Variants in MILR1 observed in about 807,000 individuals in gnomAD.
MILR1 encodes the protein allergin-1.
A neutral mutation model predicts 18.5 loss-of-function variants in MILR1; 31 were observed. That is an observed-to-expected ratio of 1.68 (90% confidence interval 1.26 to 2.26). MILR1 has a LOEUF of 2.26. Ranked by LOEUF, MILR1 falls within the 30% of genes most tolerant of loss-of-function variation. MILR1 has a pLI of 0.00. For missense variants in MILR1, 257 were observed against 157.4 expected (o/e 1.63, Z -3.38); for synonymous variants, 85 against 56.2 (o/e 1.51, Z -2.30).
the MILR1 span, chr17:64,485,056 T>G: frequency 6.6e-6 from 1 of 152,260 alleles, no homozygotes; most frequent in Non-Finnish European, 1.5e-5. Flanking sequence ...CCCAGTAGCC[T>G]TTTTATATCT....
chr17:64,453,860 T>G (rs969057796), intron 3 of MILR1, among the ~76,000 whole-genome samples: 93 of 152,176 alleles, frequency 6.1e-4, no homozygotes, highest in Non-Finnish European at 9.7e-4. Flanking sequence ...AACTCTTGAG[T>G]GGTCCTCTAT....
At chr17:64,481,318 C>T in the MILR1 span, 2 of 985,242 alleles carry the variant, frequency 2.0e-6, no homozygotes, top group Non-Finnish European at 2.4e-6. Flanking sequence ...TCTTCCCAGA[C>T]CTCTCCACAA....
intron 3 of MILR1, among the ~76,000 whole-genome samples, chr17:64,456,803 GAATA>G (rs1277573574): frequency 6.6e-6 from 1 of 151,928 alleles, no homozygotes; most frequent in African/African-American, 2.4e-5. Context: ...CCCTGTCTCT[GAATA>G]AATAAATACA....
rs1189825401 is a variant in MILR1, at chr17:64,452,095, T to G, written c.98-502T>G. ...GGTCCCAGCTATGTTTTTTTTTTTT[T>G]TTGTTCTGTTTTGTTTTTTAAAAAT... On this transcript the variant is annotated intron_variant, in intron 2 of 9. Transcript: ENST00000619286. Among the ~76,000 whole-genome samples the G allele has an allele frequency of 1.4e-3, 215 of 149,172 alleles. 1 individual carries two copies. Among genetic ancestry groups the G allele is most frequent in the Middle Eastern group, 0.01 (3 of 294 alleles).
At chr17:64,491,800 C>G in the MILR1 span, 1 of 532,002 alleles carries the variant, frequency 1.9e-6, no homozygotes, top group South Asian at 1.7e-5. Context: ...AGAAGACATG[C>G]TCTGCACTCC....
chr17:64,474,188 C>T, the MILR1 span, among the ~76,000 whole-genome samples: 1 of 152,154 alleles, frequency 6.6e-6, no homozygotes, highest in Non-Finnish European at 1.5e-5. Flanking sequence ...AATTCTCCTG[C>T]TTCAAACTCC....
chr17:64,459,366 G>A (rs1026760130), intron 4 of MILR1, among the ~76,000 whole-genome samples: 5 of 152,100 alleles, frequency 3.3e-5, no homozygotes, highest in African/African-American at 1.2e-4. Flanking sequence ...CTGAGAGGTC[G>A]AGGCTGCAGT....
chr17:64,485,834 A>G, the MILR1 span: 2 of 1,613,998 alleles, frequency 1.2e-6, no homozygotes, highest in South Asian at 2.2e-5. Context: ...TACAGAGAGA[A>G]CACAAGGAAC....
In MILR1 at chr17:64,468,442, C is replaced by G. The variant is rs1339254504; in HGVS notation, c.*161C>G. 2.7e-6 allele frequency: 1 copy of G among 375,408 alleles called. No individual in the cohort carries two copies. 23.3% of individuals were successfully genotyped at this position (375,408 alleles called of 1,614,324 possible). On this transcript the variant is annotated 3_prime_UTR_variant, in exon 10 of 10. Transcript: ENST00000619286. Reference sequence around the variant, plus strand: ...TAGCTGGGATTACAGGTGCCCGCTACCACGCCCAGCTAATTTTTGTATTTT... The same window carrying G: ...TAGCTGGGATTACAGGTGCCCGCTAGCACGCCCAGCTAATTTTTGTATTTT...
In MILR1 at chr17:64,467,560, T is replaced by G; in HGVS notation, c.980-5T>G. 4.6e-6 allele frequency: 7 copies of G among 1,507,686 alleles called. No homozygotes were observed. The highest frequency in any genetic ancestry group is 6.3e-6 in the Non-Finnish European group (7 of 1,104,868). The allele number at this position is 1,507,686 out of a possible 1,614,324, so 93.4% of individuals were successfully genotyped here. On this transcript the variant is annotated splice_region_variant and splice_polypyrimidine_tract_variant and intron_variant, in intron 8 of 9. Transcript: ENST00000619286. The stretch of plus-strand genomic sequence containing the variant: ...AAGTAAATTATTTTCCCTTTTATAT[T>G]TCAGAAGCCTGTGATTCTTATAAAT...
intron 2 of MILR1, 63 bp downstream of exon 2, chr17:64,449,418 T>C (rs1166667971): frequency 2.4e-6 from 1 of 425,484 alleles, no homozygotes; most frequent in East Asian, 3.3e-5. Context: ...GACAGTCTGA[T>C]TGCAACATAA....
intron 3 of MILR1, among the ~76,000 whole-genome samples, chr17:64,453,418 C>T (rs1336902326): frequency 4.6e-5 from 7 of 152,000 alleles, no homozygotes; most frequent in South Asian, 2.1e-4. Context: ...CAAAGACTTT[C>T]GACCATGTCA....
chr17:64,471,586 A>T (rs1295600000), downstream of MILR1, among the ~76,000 whole-genome samples: 3 of 152,208 alleles, frequency 2.0e-5, no homozygotes, highest in African/African-American at 7.2e-5. Flanking sequence ...AGGCCCAGGG[A>T]TATGACACAG....
chr17:64,496,896 C>T, the MILR1 span: 2 of 1,613,246 alleles, frequency 1.2e-6, no homozygotes, highest in Non-Finnish European at 1.7e-6. Context: ...CCCGCATCTA[C>T]TCGACCCCCA....
the MILR1 span, chr17:64,485,782 A>T: frequency 1.9e-6 from 3 of 1,612,886 alleles, no homozygotes; most frequent in African/African-American, 1.3e-5. Flanking sequence ...GCTGGAAAGA[A>T]TCATAGAGGT....
chr17:64,482,207 G>C, the MILR1 span, among the ~76,000 whole-genome samples: 2 of 146,890 alleles, frequency 1.4e-5, no homozygotes, highest in African/African-American at 5.0e-5. Flanking sequence ...AGGTTCAAGT[G>C]ATTCTTGTGC....
downstream of MILR1, among the ~76,000 whole-genome samples, chr17:64,470,151 G>C (rs2037665458): frequency 6.6e-6 from 1 of 151,982 alleles, no homozygotes; most frequent in African/African-American, 2.4e-5. Context: ...TGGAGTGCAG[G>C]GGCACGATTT....
chr17:64,483,015 G>A, the MILR1 span: 2 of 1,386,408 alleles, frequency 1.4e-6, no homozygotes, highest in African/African-American at 2.9e-5. Flanking sequence ...GCAATTAAAT[G>A]GGGGAGGGAG....
intron 3 of MILR1, among the ~76,000 whole-genome samples, chr17:64,454,148 T>C (rs1034717091): frequency 5.9e-5 from 9 of 151,960 alleles, no homozygotes; most frequent in Non-Finnish European, 1.0e-4. Flanking sequence ...CAGGCTGGTC[T>C]TAACTCCTGA....
Sources: allele counts gnomAD v4.1 joint callset (sites outside exome capture counted in the v4.1 genomes callset), GRCh38; gene constraint gnomAD v4.1.1; transcripts MANE v1.5; gene names NCBI Gene and HGNC (gene_info 2026-07-23, HGNC 2026-07-21).